SLC26A3: variants seen among roughly 807,000 people sequenced by gnomAD.
SLC26A3 encodes the protein chloride anion exchanger.
In SLC26A3, 64 loss-of-function variants were observed where a neutral mutation model predicts 85.6. That is an observed-to-expected ratio of 0.75 (90% CI 0.61 to 0.92). The LOEUF (loss-of-function observed/expected upper bound fraction) is 0.92, where lower values mean the gene tolerates loss of function less well. SLC26A3 is among the 40% of genes least tolerant of loss of function. SLC26A3 has a pLI of 0.00. For synonymous variants in SLC26A3, 349 were observed against 336.0 expected (o/e 1.04, Z -0.42); for missense variants, 922 against 927.3 (o/e 0.99, Z 0.07).
rs551671884 is a variant in SLC26A3 at position 107,776,395 on chromosome 7, C to G, written c.1677+57G>C. On this transcript the variant is annotated intron_variant, in intron 15 of 20. Coordinates refer to ENST00000340010, the MANE Select transcript of SLC26A3 (RefSeq NM_000111.3). ...CAACAATGACCTTACAGAACAATGA[C>G]ATTCCCAGAATTCAGTAAGATTACA... The G allele has an allele frequency of 1.2e-5, 16 of 1,332,714 alleles. No individual in the cohort carries two copies. The African/African-American group carries it at 2.4e-4, about 20-fold the overall frequency. The allele number at this position is 1,332,714 out of a possible 1,614,324, so 82.6% of individuals were successfully genotyped here.
rs1231109167 is a variant in SLC26A3, at chr7:107,776,432, T to A, written c.1677+20A>T. 1 of 1,591,068 alleles carries A rather than the reference T, an allele frequency of 6.3e-7. No homozygotes were observed. The highest frequency in any genetic ancestry group is 1.7e-5 in the Admixed American group (1 of 59,970). The stretch of plus-strand genomic sequence containing the variant: ...TCAGTAAGATTACAAGGAAAAAAAT[T>A]AAATAACCCCAAACCTTACAGCATC... On this transcript the variant is annotated intron_variant, in intron 15 of 20. Coordinates refer to ENST00000340010, the MANE Select transcript of SLC26A3 (RefSeq NM_000111.3).
intron 1 of SLC26A3, among the ~76,000 whole-genome samples, chr7:107,799,728 T>C (rs962184228): frequency 5.3e-5 from 8 of 152,170 alleles, no homozygotes; most frequent in African/African-American, 1.9e-4. Context: ...AGACCATTAT[T>C]TTCCTTCTAG....
At chr7:107,779,583 T>C in intron 12 of SLC26A3, 85 bp downstream of exon 12, 1 of 1,112,766 alleles carries the variant, frequency 9.0e-7, no homozygotes, top group South Asian at 1.3e-5. Flanking sequence ...TTTCACTTAG[T>C]TTACAATATA....
intron 18 of SLC26A3, among the ~76,000 whole-genome samples, chr7:107,770,167 T>TGAGACAGGGTC: frequency 8.1e-5 from 1 of 12,324 alleles, no homozygotes; most frequent in African/African-American, 4.8e-4. Flanking sequence ...TTTTTTTTTT[T>TGAGACAGGGTC]TTTTTTTTTT....
chr7:107,792,777 A>G (rs1441447732), intron 3 of SLC26A3, among the ~76,000 whole-genome samples: 1 of 152,242 alleles, frequency 6.6e-6, no homozygotes, highest in Non-Finnish European at 1.5e-5. Context: ...TGTACTTCAA[A>G]GGATACTATC....
rs369910571 is a variant in SLC26A3 at position 107,783,280 on chromosome 7, C to G, written c.1044G>C (p.Met348Ile). Residue 348 changes from methionine (M) to isoleucine (I), a missense_variant, in exon 9 of 21, where the codon ATG (methionine) becomes ATC (isoleucine). By Grantham distance (10) the Met-to-Ile change is conservative. Transcript: ENST00000340010. ...NTVGDCFGIA[M>I]VAFAVAFSVA... ...CTGAAAAGGCCACTGCAAATGCAAC[C>G]ATTGCGATGCCGAAGCAATCTCCTA... 1.9e-6 allele frequency: 3 copies of G among 1,614,060 alleles called. No homozygotes were observed. The African/African-American group carries it at 4.0e-5, about 22-fold the overall frequency.
chr7:107,779,761 G>T lies in SLC26A3; in HGVS notation c.1314C>A (p.Ser438=), dbSNP rs117703371. The stretch of plus-strand genomic sequence containing the variant: ...TTCCCAATGCTAAAGCTGCCAGGAC[G>T]GACTGTGAAAAACACAAACATCAGA... ...IGFLLAPLQK[S]VLAALALGNL... Residue 438 remains serine (S), a splice_region_variant and synonymous_variant, in exon 12 of 21, where the codon TCC becomes TCA. Coordinates refer to ENST00000340010, the MANE Select transcript of SLC26A3 (RefSeq NM_000111.3). The T allele has an allele frequency of 6.2e-7, 1 of 1,613,214 alleles. No homozygotes were observed. The highest frequency in any genetic ancestry group is 2.2e-5 in the East Asian group (1 of 44,864).
chr7:107,791,469 A>G (rs1794400830), intron 4 of SLC26A3, among the ~76,000 whole-genome samples: 1 of 152,092 alleles, frequency 6.6e-6, no homozygotes, highest in Non-Finnish European at 1.5e-5. Flanking sequence ...AAAATTAGTC[A>G]GGCGTGATGG....
intron 8 of SLC26A3, 121 bp from the exon 9 acceptor site, chr7:107,783,473 T>C: frequency 8.5e-7 from 1 of 1,180,186 alleles, no homozygotes; most frequent in Non-Finnish European, 1.2e-6. Context: ...TGGAGTATGA[T>C]TAACGAGAAT....
intron 1 of SLC26A3, among the ~76,000 whole-genome samples, chr7:107,796,211 C>A (rs113222661): frequency 2.6e-5 from 4 of 151,870 alleles, no homozygotes; most frequent in African/African-American, 9.7e-5. Flanking sequence ...TAGGCTCAAG[C>A]GGTCCTCCTG....
chr7:107,789,333 G>C (rs939348007), intron 6 of SLC26A3, among the ~76,000 whole-genome samples, 191 bp downstream of exon 6: 2 of 151,376 alleles, frequency 1.3e-5, no homozygotes, highest in South Asian at 4.2e-4. Context: ...TGTTAGCCAG[G>C]ATGGTCTCGA....
chr7:107,781,838 A>G (rs939745064), intron 11 of SLC26A3, among the ~76,000 whole-genome samples: 5 of 152,204 alleles, frequency 3.3e-5, no homozygotes, highest in Non-Finnish European at 1.5e-5. Context: ...GGGCTGTATC[A>G]TATCTCTATG....
intron 1 of SLC26A3, among the ~76,000 whole-genome samples, chr7:107,797,394 T>A (rs1794524924): frequency 6.6e-6 from 1 of 152,080 alleles, no homozygotes; most frequent in Non-Finnish European, 1.5e-5. Flanking sequence ...CTCGGGAGGC[T>A]GAGACAGGAG....
intron 15 of SLC26A3, among the ~76,000 whole-genome samples, chr7:107,775,348 TTTG>T: frequency 6.6e-6 from 1 of 152,264 alleles, no homozygotes; most frequent in Admixed American, 6.5e-5. Flanking sequence ...GAGGCTAATC[TTTG>T]TTTTTTTCAA....
chr7:107,791,608 G>A (rs545683582), intron 4 of SLC26A3, among the ~76,000 whole-genome samples: 71 of 149,064 alleles, frequency 4.8e-4, no homozygotes, highest in Middle Eastern at 3.4e-3. Flanking sequence ...GCAAAACTCC[G>A]TCTCAAAAAA....
intron 11 of SLC26A3, among the ~76,000 whole-genome samples, chr7:107,781,589 T>C (rs1794215737): frequency 6.6e-6 from 1 of 152,228 alleles, no homozygotes; most frequent in African/African-American, 2.4e-5. Flanking sequence ...AACATTCTTC[T>C]ATTTCTTTAG....
At chr7:107,797,901 C>A (rs1300537239) in intron 1 of SLC26A3, among the ~76,000 whole-genome samples, 1 of 152,026 alleles carries the variant, frequency 6.6e-6, no homozygotes, top group African/African-American at 2.4e-5. Flanking sequence ...ACACTTTTTT[C>A]TGGTTCCTGG....
At position 107,791,222 on chromosome 7, in the gene SLC26A3, A is replaced by T; in HGVS notation, c.396T>A (p.Ile132=). Residue 132 remains isoleucine (I), a synonymous_variant, in exon 5 of 21, where the codon ATT becomes ATA. Transcript: ENST00000340010. The part of the protein sequence containing the change: ...SRHISVGPFP[I]LSMMVGLAVS... ...CTGCTAGTCCCACCATCATACTCAG[A>T]ATCGGAAACGGACCTAATTAACAGT... 1 of 1,614,232 alleles carries T rather than the reference A, an allele frequency of 6.2e-7. No homozygotes were observed. Among genetic ancestry groups the T allele is most frequent in the Non-Finnish European group, 8.5e-7 (1 of 1,180,038 alleles).
intron 1 of SLC26A3, among the ~76,000 whole-genome samples, chr7:107,802,742 C>CTTTTTTTTTTTTTTTT (rs35087147): frequency 3.6e-5 from 4 of 110,774 alleles, no homozygotes; most frequent in African/African-American, 1.4e-4. Context: ...TTAAAGCTTG[C>CTTTTTTTTTTTTTTTT]TTTTTTTTTT....
Sources: allele counts gnomAD v4.1 joint callset (sites outside exome capture counted in the v4.1 genomes callset), GRCh38; gene constraint gnomAD v4.1.1; transcripts MANE v1.5; gene names NCBI Gene and HGNC (gene_info 2026-07-23, HGNC 2026-07-21).